Variants in BCAR3 observed in about 807,000 individuals in gnomAD.
The protein encoded by BCAR3 is BCAR3 adaptor protein, NSP family member.
In BCAR3, 37 loss-of-function variants were observed where a neutral mutation model predicts 80.1. That is an observed-to-expected ratio of 0.46 (90% CI 0.36 to 0.61). The LOEUF (loss-of-function observed/expected upper bound fraction) is 0.61, where lower values mean the gene tolerates loss of function less well. Ranked by LOEUF, BCAR3 falls within the 20% of genes least tolerant of loss-of-function variation. The pLI is 0.00. For missense variants in BCAR3, 978 were observed against 1,068.2 expected (o/e 0.92, Z 1.18); for synonymous variants, 389 against 418.9 (o/e 0.93, Z 0.87).
chr1:93,698,504 T>TACTCCTCCTTTA (rs1649505502), intron 3 of BCAR3, among the ~76,000 whole-genome samples: 1 of 152,164 alleles, frequency 6.6e-6, no homozygotes, highest in Non-Finnish European at 1.5e-5. Context: ...GACTGTGCCC[T>TACTCCTCCTTTA]ACTCCTCCTT....
At chr1:93,724,576 CTG>C (rs1387142930) in intron 2 of BCAR3, among the ~76,000 whole-genome samples, 2 of 152,174 alleles carry the variant, frequency 1.3e-5, no homozygotes, top group Non-Finnish European at 2.9e-5. Context: ...CACTGTGAGC[CTG>C]TGTCTACAGG....
At chr1:93,615,805 G>A (rs1675104390) in intron 3 of BCAR3, among the ~76,000 whole-genome samples, 1 of 152,172 alleles carries the variant, frequency 6.6e-6, no homozygotes, top group African/African-American at 2.4e-5. Flanking sequence ...AGCCACCACA[G>A]AATGGGCCAT....
intron 2 of BCAR3, among the ~76,000 whole-genome samples, chr1:93,650,594 T>C (rs555811820): frequency 6.6e-6 from 1 of 152,164 alleles, no homozygotes; most frequent in Non-Finnish European, 1.5e-5. Flanking sequence ...ACTTGTATCA[T>C]AGGATAGTTG....
chr1:93,621,143 T>C (rs963948227), intron 3 of BCAR3, among the ~76,000 whole-genome samples: 9 of 152,358 alleles, frequency 5.9e-5, no homozygotes, highest in Middle Eastern at 3.4e-3. Context: ...AATGGTCTTA[T>C]CAATCGCTTT....
intron 3 of BCAR3, among the ~76,000 whole-genome samples, chr1:93,704,839 T>C (rs1438303905): frequency 6.6e-6 from 1 of 152,190 alleles, no homozygotes; most frequent in African/African-American, 2.4e-5. Context: ...CTATCAGACA[T>C]TGCACTTCTA....
chr1:93,600,969 G>C (rs1428013930), intron 3 of BCAR3, among the ~76,000 whole-genome samples: 1 of 152,190 alleles, frequency 6.6e-6, no homozygotes, highest in Non-Finnish European at 1.5e-5. Flanking sequence ...CCTCTGTCTA[G>C]CAGGTTCCTT....
At chr1:93,722,002 A>C (rs1166301090) in intron 2 of BCAR3, among the ~76,000 whole-genome samples, 1 of 152,200 alleles carries the variant, frequency 6.6e-6, no homozygotes, top group Non-Finnish European at 1.5e-5. Flanking sequence ...GTCTCCCCAA[A>C]TCACAGAAGC....
chr1:93,768,349 G>A (rs1652231090), intron 2 of BCAR3, among the ~76,000 whole-genome samples: 1 of 152,140 alleles, frequency 6.6e-6, no homozygotes, highest in Non-Finnish European at 1.5e-5. Flanking sequence ...TAGAATCCAT[G>A]CCCAAGGTTG....
intron 8 of BCAR3, 122 bp from the exon 9 acceptor site, chr1:93,571,963 G>C: frequency 8.3e-7 from 1 of 1,200,422 alleles, no homozygotes; most frequent in Non-Finnish European, 1.2e-6. Context: ...AAAATGTGCC[G>C]GCAGCACAGT....
chr1:93,645,453 A>G (rs1676123346), intron 2 of BCAR3, among the ~76,000 whole-genome samples: 1 of 152,148 alleles, frequency 6.6e-6, no homozygotes, highest in East Asian at 1.9e-4. Flanking sequence ...CCTAGGGTCG[A>G]CCTGCAAACT....
intron 3 of BCAR3, among the ~76,000 whole-genome samples, chr1:93,613,277 T>C (rs1272467440): frequency 6.6e-6 from 1 of 152,228 alleles, no homozygotes; most frequent in East Asian, 1.9e-4. Flanking sequence ...CTGAATATTT[T>C]CATCAAAATA....
chr1:93,712,134 A>G (rs1300029455), intron 2 of BCAR3, among the ~76,000 whole-genome samples: 3 of 152,162 alleles, frequency 2.0e-5, no homozygotes, highest in Admixed American at 6.5e-5. Context: ...GTGCAACTGG[A>G]TATGTGAAGT....
At chr1:93,585,635 G>T (rs991587243) in intron 5 of BCAR3, among the ~76,000 whole-genome samples, 4 of 152,102 alleles carry the variant, frequency 2.6e-5, no homozygotes, top group African/African-American at 9.7e-5. Flanking sequence ...CAGAAGAAAA[G>T]GTACCCCTTC....
At chr1:93,801,947 G>A (rs766265894) in intron 2 of BCAR3, among the ~76,000 whole-genome samples, 3 of 151,926 alleles carry the variant, frequency 2.0e-5, no homozygotes, top group Admixed American at 6.6e-5. Flanking sequence ...GTGAAACCCC[G>A]TCTCTACTAA....
At chr1:93,728,973 G>T (rs1273009544) in intron 2 of BCAR3, among the ~76,000 whole-genome samples, 2 of 152,088 alleles carry the variant, frequency 1.3e-5, no homozygotes, top group African/African-American at 2.4e-5. Context: ...CCTCTACCCA[G>T]CACTTCCCTT....
intron 2 of BCAR3, chr1:93,775,333 T>C (rs1314637784): frequency 6.6e-6 from 1 of 152,176 alleles, no homozygotes; most frequent in Non-Finnish European, 1.5e-5. Context: ...TGGCTGTGAG[T>C]GCTCTCAGAG....
intron 2 of BCAR3, among the ~76,000 whole-genome samples, chr1:93,665,756 C>T (rs1243124545): frequency 6.6e-6 from 1 of 152,198 alleles, no homozygotes; most frequent in Non-Finnish European, 1.5e-5. Context: ...AAACCCCAAA[C>T]AGAAGTCCTG....
chr1:93,812,342 C>G (rs903901928), intron 2 of BCAR3, among the ~76,000 whole-genome samples: 2 of 152,132 alleles, frequency 1.3e-5, no homozygotes, highest in African/African-American at 4.8e-5. Flanking sequence ...AAGTCTCCCC[C>G]TCTCCTATCT....
At chr1:93,650,301 C>T (rs1291761477) in intron 2 of BCAR3, among the ~76,000 whole-genome samples, 1 of 152,212 alleles carries the variant, frequency 6.6e-6, no homozygotes, top group African/African-American at 2.4e-5. Context: ...AGGAGAATGA[C>T]TTGAGCCCAG....
Sources: gnomAD v4.1 joint callset for allele counts (sites outside exome capture counted in the v4.1 genomes callset) on GRCh38, gnomAD v4.1.1 for gene constraint, MANE v1.5 for transcripts, NCBI Gene and HGNC (gene_info 2026-07-23, HGNC 2026-07-21) for gene names.